The following KIFAP3 variants were observed in gnomAD, a reference collection of about 807,000 sequenced individuals.
KIFAP3 encodes the protein kinesin-associated protein 3.
Under a neutral mutation model 106.5 loss-of-function variants are expected in KIFAP3, and 68 were observed. That is an observed-to-expected ratio of 0.64 (90% CI 0.53 to 0.78). The LOEUF (loss-of-function observed/expected upper bound fraction) is 0.78, where lower values mean the gene tolerates loss of function less well. Among genes scored for constraint, KIFAP3 ranks in the 30% least tolerant of loss-of-function variants. The probability of loss-of-function intolerance (pLI) is 0.00; values close to 1 mark genes in which losing one functional copy is unlikely to be tolerated. For missense variants in KIFAP3, 780 were observed against 941.8 expected (o/e 0.83, Z 2.25); for synonymous variants, 320 against 311.5 (o/e 1.03, Z -0.29).
intron 1 of KIFAP3, chr1:170,067,768 C>G (rs893227858): frequency 1.3e-5 from 2 of 152,236 alleles, no homozygotes; most frequent in Non-Finnish European, 2.9e-5. Flanking sequence ...AAGCTGCTGG[C>G]CCCTGGGATA....
chr1:170,082,758 A>G (rs555540556), intron 1 of KIFAP3, among the ~76,000 whole-genome samples: 51 of 152,212 alleles, frequency 3.4e-4, no homozygotes, highest in African/African-American at 1.2e-3. Flanking sequence ...GGATCAGTTG[A>G]GGTCAGGAGT....
intron 10 of KIFAP3, among the ~76,000 whole-genome samples, chr1:169,994,743 T>C (rs564766887): frequency 1.3e-5 from 2 of 152,090 alleles, no homozygotes. Flanking sequence ...TGGTATTATT[T>C]ATAGAAAAAT....
chr1:169,931,391 A>G (rs548150442), intron 19 of KIFAP3, among the ~76,000 whole-genome samples: 6 of 152,300 alleles, frequency 3.9e-5, no homozygotes, highest in Admixed American at 3.3e-4. Context: ...AAATGCTCTA[A>G]TAGGTACCTA....
chr1:169,972,060 G>C (rs1381140027), intron 17 of KIFAP3, among the ~76,000 whole-genome samples: 4 of 151,756 alleles, frequency 2.6e-5, no homozygotes. Context: ...TAAGATTTTT[G>C]TATTTCCCAT....
chr1:170,066,825 T>C (rs550546371), intron 1 of KIFAP3, among the ~76,000 whole-genome samples: 1 of 152,328 alleles, frequency 6.6e-6, no homozygotes, highest in African/African-American at 2.4e-5. Flanking sequence ...CCCAGTTTAA[T>C]GTAATTGAAT....
intron 16 of KIFAP3, among the ~76,000 whole-genome samples, chr1:169,975,602 AAATTT>A (rs943904843): frequency 2.4e-4 from 37 of 152,124 alleles, no homozygotes; most frequent in African/African-American, 8.4e-4. Context: ...AACATTTTTT[AAATTT>A]ATTTTTTATT....
At chr1:169,946,384 G>C (rs1664440608) in intron 19 of KIFAP3, among the ~76,000 whole-genome samples, 1 of 152,040 alleles carries the variant, frequency 6.6e-6, no homozygotes, top group East Asian at 1.9e-4. Context: ...ATCAAACTGG[G>C]TAAACAGTAT....
chr1:170,064,224 T>C (rs1671323469), intron 1 of KIFAP3, among the ~76,000 whole-genome samples: 1 of 152,220 alleles, frequency 6.6e-6, no homozygotes, highest in African/African-American at 2.4e-5. Flanking sequence ...TCTTCCTATC[T>C]TTATACCTTT....
At chr1:169,986,134 C>T (rs993370788) in intron 11 of KIFAP3, among the ~76,000 whole-genome samples, 3 of 151,590 alleles carry the variant, frequency 2.0e-5, no homozygotes, top group Non-Finnish European at 3.0e-5. Flanking sequence ...TCCAACACAG[C>T]GAATAATAAA....
At chr1:170,053,611 A>G (rs1670688515) in intron 2 of KIFAP3, among the ~76,000 whole-genome samples, 1 of 152,206 alleles carries the variant, frequency 6.6e-6, no homozygotes, top group African/African-American at 2.4e-5. Flanking sequence ...AGGCTACAGT[A>G]ACCAAAATAG....
chr1:169,921,602 G>A lies in KIFAP3; in HGVS notation c.*74C>T. 1 of 1,123,196 alleles carries A rather than the reference G, an allele frequency of 8.9e-7. No homozygotes were observed. Among genetic ancestry groups the A allele is most frequent in the Non-Finnish European group, 1.3e-6 (1 of 749,822 alleles). The allele number at this position is 1,123,196 out of a possible 1,614,324, so 69.6% of individuals were successfully genotyped here. On this transcript the variant is annotated 3_prime_UTR_variant, in exon 20 of 20. Transcript: ENST00000361580. Reference sequence around the variant, plus strand: ...CAATAACATCAACATGCATTATTAGGCAAAGATCCAAAATTAACCCAACCC... The same window carrying A: ...CAATAACATCAACATGCATTATTAGACAAAGATCCAAAATTAACCCAACCC...
intron 9 of KIFAP3, among the ~76,000 whole-genome samples, chr1:170,018,994 G>GA (rs1329499015): frequency 6.6e-6 from 1 of 151,934 alleles, no homozygotes; most frequent in East Asian, 1.9e-4. Flanking sequence ...CACTAATCTA[G>GA]AAAAAAATGA....
intron 1 of KIFAP3, among the ~76,000 whole-genome samples, chr1:170,063,374 C>T (rs750438935): frequency 3.7e-4 from 56 of 152,192 alleles, no homozygotes; most frequent in Non-Finnish European, 1.2e-4. Flanking sequence ...TCAACTGGTT[C>T]TGTGATCCCC....
chr1:169,943,676 G>A (rs1210544766), intron 19 of KIFAP3, among the ~76,000 whole-genome samples: 4 of 151,836 alleles, frequency 2.6e-5, no homozygotes, highest in African/African-American at 9.7e-5. Flanking sequence ...GGTCAAATAT[G>A]TCATAAGAAC....
intron 12 of KIFAP3, among the ~76,000 whole-genome samples, chr1:169,984,069 C>T (rs1666663867): frequency 1.3e-5 from 2 of 151,654 alleles, no homozygotes; most frequent in African/African-American, 4.8e-5. Context: ...AGAAGTATTA[C>T]ACTAAAATCT....
intron 19 of KIFAP3, among the ~76,000 whole-genome samples, chr1:169,933,100 C>T (rs1461023446): frequency 6.6e-6 from 1 of 151,900 alleles, no homozygotes; most frequent in African/African-American, 2.4e-5. Context: ...TTTTAAACAG[C>T]TAAGCATGAT....
intron 19 of KIFAP3, among the ~76,000 whole-genome samples, chr1:169,924,833 T>C (rs1299386271): frequency 6.6e-6 from 1 of 152,170 alleles, no homozygotes; most frequent in Non-Finnish European, 1.5e-5. Flanking sequence ...TTGAAAGAGA[T>C]AGAAACTATG....
At chr1:169,993,620 T>A (rs12749871) in intron 10 of KIFAP3, among the ~76,000 whole-genome samples, 62,598 of 62,598 alleles carry the variant, frequency 1, 31,299 homozygotes, top group Non-Finnish European at 1. Context: ...TCTAGCAAGC[T>A]TCAGGCAGGT....
intron 1 of KIFAP3, among the ~76,000 whole-genome samples, chr1:170,070,486 A>G (rs1671649912): frequency 1.3e-5 from 2 of 152,130 alleles, no homozygotes; most frequent in African/African-American, 4.8e-5. Flanking sequence ...TGCAGGAATA[A>G]ACCCCAACAT....
Sources: gnomAD v4.1 joint callset for allele counts (sites outside exome capture counted in the v4.1 genomes callset) on GRCh38, gnomAD v4.1.1 for gene constraint, MANE v1.5 for transcripts, NCBI Gene and HGNC (gene_info 2026-07-23, HGNC 2026-07-21) for gene names.